The following LDLRAD3 variants were observed in gnomAD, a reference collection of about 807,000 sequenced individuals.
LDLRAD3 encodes low-density lipoprotein receptor class A domain-containing protein 3.
Under a neutral mutation model 29.4 loss-of-function variants are expected in LDLRAD3, and 20 were observed. The ratio of observed to expected loss-of-function variants is 0.68; its 90% confidence interval spans 0.48 to 0.99. The LOEUF (loss-of-function observed/expected upper bound fraction) is 0.99. Among genes scored for constraint, LDLRAD3 ranks in the 50% least tolerant of loss-of-function variants. LDLRAD3 has a pLI of 0.00. For synonymous variants in LDLRAD3, 157 were observed against 192.7 expected, an observed-to-expected ratio of 0.81 and a Z score of 1.53; for missense variants, 420 against 454.3, an observed-to-expected ratio of 0.92 and a Z score of 0.69.
At chr11:36,041,671 G>A (rs1262527032) in intron 2 of LDLRAD3, among the ~76,000 whole-genome samples, 2 of 152,198 alleles carry the variant, frequency 1.3e-5, no homozygotes, top group African/African-American at 4.8e-5. Flanking sequence ...GGGACCAGGG[G>A]TCAAGAGCCT....
At position 36,213,524 on chromosome 11, in the gene LDLRAD3, G is replaced by A. The variant is rs1326183423; in HGVS notation, c.455-13561G>A. ...ACAGGAAAGTCAGGGTGGATGTGGG[G>A]ATGCCCTTGGTTTACAGTGGCCCAG... is the stretch of plus-strand genomic sequence containing the variant. On this transcript the variant is annotated intron_variant, in intron 4 of 5. Coordinates refer to ENST00000315571, the MANE Select transcript of LDLRAD3 (RefSeq NM_174902.4). This position sits in a 1 kb window ranked among gnomAD's most constrained non-coding sequence, Gnocchi z 4.1. Among the ~76,000 whole-genome samples, 1 of 152,240 alleles carries A rather than the reference G, an allele frequency of 6.6e-6. No individual in the cohort carries two copies. The highest frequency in any genetic ancestry group is 6.5e-5 in the Admixed American group (1 of 15,288).
intron 1 of LDLRAD3, among the ~76,000 whole-genome samples, chr11:35,959,932 C>T (rs1851255712): frequency 6.6e-6 from 1 of 152,026 alleles, no homozygotes; most frequent in Admixed American, 6.6e-5. Flanking sequence ...ACTCCATCCC[C>T]CGCCAAAAAA....
At chr11:36,004,935 A>G (rs946076901) in intron 1 of LDLRAD3, among the ~76,000 whole-genome samples, 8 of 152,178 alleles carry the variant, frequency 5.3e-5, no homozygotes, top group Admixed American at 1.3e-4. Flanking sequence ...GACACAGGGC[A>G]CCATGTCCCA....
At chr11:36,228,260 G>A (rs1429494057) in intron 5 of LDLRAD3, among the ~76,000 whole-genome samples, 1 of 152,194 alleles carries the variant, frequency 6.6e-6, no homozygotes, top group African/African-American at 2.4e-5. Flanking sequence ...CATAGAAGGT[G>A]AATAAAGTTT....
In LDLRAD3 at chr11:36,143,954, T is replaced by C. The variant is rs1169046399; in HGVS notation, c.454+45493T>C. Among the ~76,000 whole-genome samples the C allele has an allele frequency of 8.5e-3, 853 of 100,186 alleles. 25 individuals carry two copies. The highest frequency in any genetic ancestry group is 0.033 in the African/African-American group (800 of 24,028). 65.7% of individuals were successfully genotyped at this position (100,186 alleles called of 152,430 possible). ...CCCCTCCCCCTCCCCCTCCCTCTCTTGCCACGGTCTCCCTCTGATGCCGAG... is the reference window on the plus strand; with the variant it reads ...CCCCTCCCCCTCCCCCTCCCTCTCTCGCCACGGTCTCCCTCTGATGCCGAG... On this transcript the variant is annotated intron_variant, in intron 4 of 5. Transcript: ENST00000315571.
At chr11:36,128,376 A>G (rs995141256) in intron 4 of LDLRAD3, among the ~76,000 whole-genome samples, 2 of 151,964 alleles carry the variant, frequency 1.3e-5, no homozygotes. Flanking sequence ...TGGATGCTTC[A>G]ACAAGTGAAG....
At chr11:36,116,903 G>A (rs11033435) in intron 4 of LDLRAD3, among the ~76,000 whole-genome samples, 6,279 of 149,284 alleles carry the variant, frequency 0.042, 451 homozygotes, top group African/African-American at 0.15. Context: ...CTTCAGTAGC[G>A]CAATCTTGGG....
At chr11:35,958,320 G>A (rs1851231248) in intron 1 of LDLRAD3, among the ~76,000 whole-genome samples, 1 of 152,234 alleles carries the variant, frequency 6.6e-6, no homozygotes, top group Non-Finnish European at 1.5e-5. Flanking sequence ...CTAATGGACA[G>A]TGTTACTGTA....
intron 4 of LDLRAD3, among the ~76,000 whole-genome samples, chr11:36,157,793 G>C (rs191451059): frequency 1.2e-4 from 18 of 152,286 alleles, no homozygotes; most frequent in African/African-American, 4.3e-4. Context: ...AGGTCTGGTG[G>C]TTGAGGAAAC....
intron 4 of LDLRAD3, among the ~76,000 whole-genome samples, chr11:36,145,276 G>A (rs1249813580): frequency 1.1e-5 from 1 of 94,300 alleles, no homozygotes; most frequent in Admixed American, 9.1e-5. Flanking sequence ...CCCCCCGCCC[G>A]GCCAGCTGCC....
At chr11:36,033,617 C>A (rs907371555) in intron 1 of LDLRAD3, among the ~76,000 whole-genome samples, 1 of 152,230 alleles carries the variant, frequency 6.6e-6, no homozygotes, top group East Asian at 1.9e-4. Context: ...ACATTCCAGG[C>A]CCCTGAAGAG....
At chr11:36,167,580 A>G (rs1190463215) in intron 4 of LDLRAD3, among the ~76,000 whole-genome samples, 1 of 152,168 alleles carries the variant, frequency 6.6e-6, no homozygotes, top group African/African-American at 2.4e-5. Flanking sequence ...GGTAAAGAGT[A>G]GAATCATTAC....
intron 4 of LDLRAD3, among the ~76,000 whole-genome samples, chr11:36,223,212 G>A (rs995650468): frequency 3.9e-5 from 6 of 152,130 alleles, no homozygotes; most frequent in Admixed American, 6.5e-5. Flanking sequence ...AAATGTGATC[G>A]CTGCGTCTCG....
Position 36,172,064 on chromosome 11 carries a change from T to TTTTG in LDLRAD3, c.455-55009_455-55006dup, listed in dbSNP as rs945564913. Among the ~76,000 whole-genome samples the TTTTG allele has an allele frequency of 3.0e-4, 45 of 152,260 alleles. 1 individual carries two copies. The East Asian group carries it at 8.3e-3, about 28-fold the overall frequency. ...GGTTAGGTATATTCCTAAGGTGTTT[T>TTTTG]TTTGTTTGTTTGTTTTGCAGCTATT... On this transcript the variant is annotated intron_variant, in intron 4 of 5. Transcript: ENST00000315571.
chr11:36,006,192 A>G (rs1268202236), intron 1 of LDLRAD3, among the ~76,000 whole-genome samples: 3 of 152,166 alleles, frequency 2.0e-5, no homozygotes, highest in Non-Finnish European at 4.4e-5. Flanking sequence ...ATTCTGTTTA[A>G]TCCTTCTTTT....
chr11:36,121,382 G>A (rs373843876), intron 4 of LDLRAD3, among the ~76,000 whole-genome samples: 3 of 151,996 alleles, frequency 2.0e-5, no homozygotes, highest in African/African-American at 7.3e-5. Context: ...CCTCGAGGCT[G>A]GAATATAAAT....
At chr11:36,202,239 T>C (rs2133375154) in intron 4 of LDLRAD3, among the ~76,000 whole-genome samples, 1 of 152,184 alleles carries the variant, frequency 6.6e-6, no homozygotes, top group East Asian at 1.9e-4. Flanking sequence ...AAGGCTACTA[T>C]GTTGGCCATG....
intron 4 of LDLRAD3, among the ~76,000 whole-genome samples, chr11:36,225,096 G>A (rs1226568640): frequency 1.3e-5 from 2 of 152,130 alleles, no homozygotes; most frequent in Non-Finnish European, 2.9e-5. Context: ...ACCTAGTGAT[G>A]AGGGATGGAG....
Position 35,956,066 on chromosome 11 carries a change from A to T in LDLRAD3, c.46+11922A>T, listed in dbSNP as rs1012632009. Among the ~76,000 whole-genome samples, 11 of 152,366 alleles carry T rather than the reference A, an allele frequency of 7.2e-5. No homozygotes were observed. The East Asian group carries it at 2.1e-3, about 29-fold the overall frequency. ...CTGACACCAGTGGCTGCCCAAGGGG[A>T]GTCTGCTGGTGGGAATTTACAAGAG... is the stretch of plus-strand genomic sequence containing the variant. On this transcript the variant is annotated intron_variant, in intron 1 of 5. Transcript: ENST00000315571.
Sources: allele counts gnomAD v4.1 joint callset (sites outside exome capture counted in the v4.1 genomes callset), GRCh38; gene constraint gnomAD v4.1.1; non-coding constraint Gnocchi (gnomAD v3.1); transcripts MANE v1.5; gene names NCBI Gene and HGNC (gene_info 2026-07-23, HGNC 2026-07-21).